Variants in KCNQ5 observed in about 807,000 individuals in gnomAD.
KCNQ5 encodes potassium voltage-gated channel subfamily Q member 5, also known as potassium voltage-gated channel subfamily KQT member 5.
A neutral mutation model predicts 98.2 loss-of-function variants in KCNQ5; 30 were observed. That is an observed-to-expected ratio of 0.31 (90% confidence interval 0.23 to 0.41). The LOEUF (loss-of-function observed/expected upper bound fraction) is 0.41. Among genes scored for constraint, KCNQ5 ranks in the 10% least tolerant of loss-of-function variants. The probability of loss-of-function intolerance (pLI) is 1.00; values close to 1 mark genes in which losing one functional copy is unlikely to be tolerated. For synonymous variants in KCNQ5, 458 were observed against 449.4 expected, an observed-to-expected ratio of 1.02 and a Z score of -0.24; for missense variants, 835 against 1,182.5, an observed-to-expected ratio of 0.71 and a Z score of 4.31.
chr6:72,961,621 C>CAAAAAAAAA, intron 1 of KCNQ5, among the ~76,000 whole-genome samples: 1 of 68,680 alleles, frequency 1.5e-5, no homozygotes. Context: ...GACTCCGTCT[C>CAAAAAAAAA]AAAAAAAAAA....
chr6:73,064,602 T>C (rs1772966838), intron 3 of KCNQ5, among the ~76,000 whole-genome samples: 1 of 152,160 alleles, frequency 6.6e-6, no homozygotes, highest in Non-Finnish European at 1.5e-5. Flanking sequence ...CTTTGTCATT[T>C]GGTAGGTGTG....
intron 1 of KCNQ5, among the ~76,000 whole-genome samples, chr6:72,779,093 G>T (rs2154477762): frequency 6.6e-6 from 1 of 152,262 alleles, no homozygotes; most frequent in Middle Eastern, 3.4e-3. Context: ...GAAGGAGAAA[G>T]GCAAGAAAAA....
chr6:72,779,284 AC>A (rs1773328971), intron 1 of KCNQ5, among the ~76,000 whole-genome samples: 2 of 152,210 alleles, frequency 1.3e-5, no homozygotes, highest in African/African-American at 4.8e-5. Flanking sequence ...GGTCATAGGC[AC>A]ACAGAATGGG....
At chr6:73,180,143 C>T (rs1051216163) in intron 11 of KCNQ5, among the ~76,000 whole-genome samples, 1 of 152,144 alleles carries the variant, frequency 6.6e-6, no homozygotes, top group Admixed American at 6.5e-5. Flanking sequence ...AGCTCACAGT[C>T]GCAGCAACCA....
At chr6:72,999,278 A>T (rs1269239515) in intron 1 of KCNQ5, among the ~76,000 whole-genome samples, 1 of 152,232 alleles carries the variant, frequency 6.6e-6, no homozygotes, top group Non-Finnish European at 1.5e-5. Context: ...GAGTAAACAT[A>T]GAGTCCTTTG....
At chr6:72,729,744 T>C in intron 1 of KCNQ5, among the ~76,000 whole-genome samples, 1 of 150,794 alleles carries the variant, frequency 6.6e-6, no homozygotes, top group East Asian at 1.9e-4. Context: ...AAGTTGCTTT[T>C]CCTTTTTAAG....
At chr6:72,701,345 G>A (rs534310930) in intron 1 of KCNQ5, among the ~76,000 whole-genome samples, 5 of 152,048 alleles carry the variant, frequency 3.3e-5, no homozygotes, top group Non-Finnish European at 5.9e-5. Flanking sequence ...AACTCCACTT[G>A]GTTTAACCTC....
intron 1 of KCNQ5, among the ~76,000 whole-genome samples, chr6:72,790,695 A>T (rs952248784): frequency 6.6e-6 from 1 of 152,252 alleles, no homozygotes; most frequent in Non-Finnish European, 1.5e-5. Flanking sequence ...CAAAGAATAA[A>T]TGCTTAAGGG....
intron 1 of KCNQ5, among the ~76,000 whole-genome samples, chr6:72,790,802 A>G (rs968345536): frequency 3.9e-5 from 6 of 152,224 alleles, no homozygotes; most frequent in African/African-American, 1.4e-4. Flanking sequence ...GGACATTAAA[A>G]GAATAAAGTA....
chr6:73,192,644 A>G lies in KCNQ5; in HGVS notation c.1789A>G (p.Thr597Ala). 1 of 1,612,630 alleles carries G rather than the reference A, an allele frequency of 6.2e-7. No individual in the cohort carries two copies. Among genetic ancestry groups the G allele is most frequent in the Non-Finnish European group, 8.5e-7 (1 of 1,179,244 alleles). Residue 597 changes from threonine to alanine, a missense_variant, in exon 13 of 14, where the codon ACA (threonine) becomes GCA (alanine). By Grantham distance (58) the Thr-to-Ala change is moderately conservative (BLOSUM62 0). This residue lies in a region of KCNQ5 where 416 missense variants were observed against 446.9 expected (regional missense o/e 0.93). Coordinates refer to ENST00000370398, the MANE Select transcript of KCNQ5 (RefSeq NM_019842.4). ...GAAAATAACAGCAGAACATGAGACC[A>G]CAGACGATCTCAGTATGCTCGGTCG... ...REKITAEHET[T>A]DDLSMLGRVV...
chr6:72,679,360 T>A (rs1420553555), intron 1 of KCNQ5, among the ~76,000 whole-genome samples: 1 of 152,148 alleles, frequency 6.6e-6, no homozygotes, highest in African/African-American at 2.4e-5. Context: ...TAAGAAAATG[T>A]GGCACATATA....
chr6:73,191,035 T>C (rs559924902), intron 12 of KCNQ5, among the ~76,000 whole-genome samples: 1 of 152,358 alleles, frequency 6.6e-6, no homozygotes, highest in South Asian at 2.1e-4. Context: ...TAAACATCAA[T>C]GGTTGTTGCT....
At chr6:72,924,766 T>G (rs140739872) in intron 1 of KCNQ5, among the ~76,000 whole-genome samples, 1 of 152,282 alleles carries the variant, frequency 6.6e-6, no homozygotes, top group East Asian at 1.9e-4. Context: ...AAGGATATCT[T>G]GGGATATGGA....
chr6:73,127,024 T>C (rs969276285), intron 9 of KCNQ5, among the ~76,000 whole-genome samples: 1 of 152,208 alleles, frequency 6.6e-6, no homozygotes, highest in African/African-American at 2.4e-5. Context: ...CATTTAATAT[T>C]ATGTAAGCTT....
intron 1 of KCNQ5, among the ~76,000 whole-genome samples, chr6:72,941,274 C>G (rs1766217772): frequency 6.6e-6 from 1 of 151,986 alleles, no homozygotes; most frequent in Non-Finnish European, 1.5e-5. Context: ...TCTTATCTGT[C>G]TGGAGAGTCT....
intron 2 of KCNQ5, among the ~76,000 whole-genome samples, chr6:73,010,551 GA>G (rs1252805593): frequency 1.3e-5 from 2 of 149,048 alleles, no homozygotes; most frequent in African/African-American, 2.5e-5. Flanking sequence ...TTAAATAAAA[GA>G]AACAAAAGGC....
intron 1 of KCNQ5, among the ~76,000 whole-genome samples, chr6:72,704,354 A>G (rs1193346596): frequency 1.3e-5 from 2 of 152,136 alleles, no homozygotes; most frequent in African/African-American, 4.8e-5. Context: ...CCTTTAAATA[A>G]TACATTCACA....
chr6:73,076,791 A>T (rs530853085), intron 3 of KCNQ5, among the ~76,000 whole-genome samples: 49 of 152,228 alleles, frequency 3.2e-4, no homozygotes, highest in Non-Finnish European at 5.0e-4. Context: ...CACATTAGGG[A>T]ATTTTGGGGG....
intron 2 of KCNQ5, among the ~76,000 whole-genome samples, chr6:73,013,684 C>A (rs746399188): frequency 6.6e-6 from 1 of 152,118 alleles, no homozygotes; most frequent in Non-Finnish European, 1.5e-5. Context: ...TTAGGCCTGG[C>A]TGAGGAAAAG....
Sources: allele counts gnomAD v4.1 joint callset (sites outside exome capture counted in the v4.1 genomes callset), GRCh38; gene constraint gnomAD v4.1.1; regional missense constraint gnomAD v4.1.1; transcripts MANE v1.5; gene names NCBI Gene and HGNC (gene_info 2026-07-23, HGNC 2026-07-21).